The following PTPRN2 variants were observed in gnomAD, a reference collection of about 807,000 sequenced individuals.
PTPRN2 encodes the protein protein tyrosine phosphatase receptor type N2.
Under a neutral mutation model 118.8 loss-of-function variants are expected in PTPRN2, and 74 were observed. The ratio of observed to expected loss-of-function variants is 0.62; its 90% CI spans 0.52 to 0.76. The LOEUF (loss-of-function observed/expected upper bound fraction) is 0.76, where lower values mean the gene tolerates loss of function less well. PTPRN2 is among the 30% of genes least tolerant of loss of function. PTPRN2 has a pLI of 0.00. For synonymous variants in PTPRN2, 641 were observed against 608.0 expected (o/e 1.05, Z -0.80); for missense variants, 1,481 against 1,394.4 (o/e 1.06, Z -0.99).
At chr7:157,875,356 G>A (rs757527757) in intron 12 of PTPRN2, among the ~76,000 whole-genome samples, 26 of 152,216 alleles carry the variant, frequency 1.7e-4, no homozygotes, top group Admixed American at 9.8e-4. Flanking sequence ...TCCTATCAGC[G>A]TCCGTATTCA....
At chr7:157,640,728 A>C (rs1804618857) in intron 14 of PTPRN2, among the ~76,000 whole-genome samples, 1 of 152,204 alleles carries the variant, frequency 6.6e-6, no homozygotes. Context: ...CCAGCAACAG[A>C]CAGTCTTCTC....
chr7:158,033,743 A>G (rs1807867481), intron 11 of PTPRN2, among the ~76,000 whole-genome samples: 1 of 149,238 alleles, frequency 6.7e-6, no homozygotes, highest in Non-Finnish European at 1.5e-5. Flanking sequence ...CTCGATAGAA[A>G]CTCTGCACTC....
chr7:158,070,913 C>T (rs1811323500), intron 11 of PTPRN2, among the ~76,000 whole-genome samples: 2 of 115,716 alleles, frequency 1.7e-5, no homozygotes, highest in African/African-American at 3.8e-5. Context: ...TGGAGGTGCC[C>T]ATGGTGCTGG....
rs1458909117 is a variant in PTPRN2 at position 157,881,461 on chromosome 7, G to A, written c.1788+17212C>T. 1.3e-5 allele frequency among the ~76,000 whole-genome samples: 2 copies of A among 152,062 alleles called. No individual in the cohort carries two copies. Among genetic ancestry groups the A allele is most frequent in the Non-Finnish European group, 2.9e-5 (2 of 68,010 alleles). On this transcript the variant is annotated intron_variant, in intron 12 of 22. Coordinates refer to ENST00000389418, the MANE Select transcript of PTPRN2 (RefSeq NM_002847.5). This position sits in a 1 kb window ranked among gnomAD's most constrained non-coding sequence, Gnocchi z 4.7. ...CCAGCCCTGCCCACACCTTGATCTT[G>A]GACTTCAGCCACCAGGATTGTGAGC...
intron 2 of PTPRN2, among the ~76,000 whole-genome samples, chr7:158,333,601 C>T (rs10261692): frequency 0.01 from 1,438 of 140,684 alleles, 39 homozygotes; most frequent in African/African-American, 0.038. Flanking sequence ...CACACACCCA[C>T]ACTCTCACTA....
chr7:158,109,196 C>A (rs922064979), intron 10 of PTPRN2, among the ~76,000 whole-genome samples: 1 of 151,662 alleles, frequency 6.6e-6, no homozygotes, highest in Non-Finnish European at 1.5e-5. Flanking sequence ...ATGACATCAC[C>A]CCTGTGTGAA....
At chr7:158,489,592 G>A (rs1051854172) in intron 2 of PTPRN2, 143 bp downstream of exon 2, 56 of 775,820 alleles carry the variant, frequency 7.2e-5, no homozygotes, top group Non-Finnish European at 8.5e-5. Flanking sequence ...CCATGGCTCC[G>A]GGGTTCCATC....
At chr7:158,550,362 C>T (rs1183328693) in intron 1 of PTPRN2, among the ~76,000 whole-genome samples, 2 of 152,248 alleles carry the variant, frequency 1.3e-5, no homozygotes, top group African/African-American at 2.4e-5. Context: ...GGCAGCAGGA[C>T]GCTCCCACAT....
chr7:157,607,238 T>C (rs1476879141), intron 15 of PTPRN2, among the ~76,000 whole-genome samples: 2 of 152,314 alleles, frequency 1.3e-5, no homozygotes, highest in Admixed American at 1.3e-4. Flanking sequence ...ACTCCAAACA[T>C]TGATTCCAGA....
intron 12 of PTPRN2, among the ~76,000 whole-genome samples, chr7:157,804,147 C>T (rs1327851370): frequency 2.6e-5 from 4 of 152,214 alleles, no homozygotes; most frequent in African/African-American, 4.8e-5. Flanking sequence ...GCCCTTATTT[C>T]GTAGCATCTA....
chr7:157,894,778 C>A (rs1282987147), intron 12 of PTPRN2, among the ~76,000 whole-genome samples: 1 of 152,132 alleles, frequency 6.6e-6, no homozygotes, highest in Non-Finnish European at 1.5e-5. Context: ...AAGATTGAAG[C>A]CCAGGAACAG....
chr7:157,841,971 G>A (rs1808455980), intron 12 of PTPRN2, among the ~76,000 whole-genome samples: 1 of 152,048 alleles, frequency 6.6e-6, no homozygotes, highest in Non-Finnish European at 1.5e-5. Context: ...GCTTTGTCAA[G>A]CTAATACTTT....
chr7:158,180,707 G>C (rs760978956), intron 5 of PTPRN2, among the ~76,000 whole-genome samples: 1 of 152,066 alleles, frequency 6.6e-6, no homozygotes, highest in Non-Finnish European at 1.5e-5. Context: ...TGAAGCCCTC[G>C]TACAGGGGAT....
intron 17 of PTPRN2, among the ~76,000 whole-genome samples, chr7:157,581,070 C>G (rs559194889): frequency 1.4e-5 from 2 of 147,866 alleles, no homozygotes; most frequent in African/African-American, 5.0e-5. Context: ...CACCCCAGCA[C>G]CTGCACACCC....
chr7:157,731,335 A>T (rs1799888388), intron 12 of PTPRN2, among the ~76,000 whole-genome samples: 1 of 152,164 alleles, frequency 6.6e-6, no homozygotes, highest in South Asian at 2.1e-4. Context: ...CCTGCTCATA[A>T]TGTGAACTCT....
At chr7:158,151,031 C>A (rs114850693) in intron 6 of PTPRN2, among the ~76,000 whole-genome samples, 12,809 of 145,640 alleles carry the variant, frequency 0.088, 942 homozygotes, top group African/African-American at 0.18. Context: ...CAGGCCCTGT[C>A]ACTGTCCTGC....
chr7:157,984,523 G>A (rs78173260), intron 11 of PTPRN2, among the ~76,000 whole-genome samples: 3,269 of 150,146 alleles, frequency 0.022, 173 homozygotes, highest in African/African-American at 0.078. Context: ...TGGCTGGAAG[G>A]TTCCCAAACC....
rs201674380 is a variant in PTPRN2, at chr7:158,138,372, G to A, written c.1054C>T (p.Pro352Ser). 1.7e-5 allele frequency: 27 copies of A among 1,613,752 alleles called. No individual in the cohort carries two copies. Among genetic ancestry groups the A allele is most frequent in the East Asian group, 2.2e-5 (1 of 44,876 alleles). Reference sequence around the variant, plus strand: ...GACTCTCCCAGGGCCGCTCTCCCAGGGCTGCCTCGAGCTACTCCATGGTCC... The same window carrying A: ...GACTCTCCCAGGGCCGCTCTCCCAGAGCTGCCTCGAGCTACTCCATGGTCC... ...GVDHGVARGSPGRAALGESGE... is the reference protein window; with the variant it reads ...GVDHGVARGSSGRAALGESGE... The change falls in exon 7 of 23, where the codon CCT becomes TCT. Residue 352 changes from proline (P) to serine (S), a missense_variant. Coordinates refer to ENST00000389418, the MANE Select transcript of PTPRN2 (RefSeq NM_002847.5).
At chr7:158,522,365 G>A (rs10233088) in intron 1 of PTPRN2, among the ~76,000 whole-genome samples, 2,098 of 43,702 alleles carry the variant, frequency 0.048, 175 homozygotes, top group East Asian at 0.13. Context: ...CTGTCCAGGT[G>A]CTGGCTCGGG....
Sources: gnomAD v4.1 joint callset for allele counts (sites outside exome capture counted in the v4.1 genomes callset) on GRCh38, gnomAD v4.1.1 for gene constraint, Gnocchi (gnomAD v3.1) non-coding constraint, MANE v1.5 for transcripts, NCBI Gene and HGNC (gene_info 2026-07-23, HGNC 2026-07-21) for gene names.